CPA5: variants seen among roughly 807,000 people sequenced by gnomAD.
CPA5 encodes testicular tissue protein Li 32.
CPA5 carries 38 observed loss-of-function variants against 52.2 expected under a neutral mutation model. The observed-to-expected ratio is 0.73, with a 90% CI of 0.56 to 0.95. The LOEUF (loss-of-function observed/expected upper bound fraction) is 0.95. Among genes scored for constraint, CPA5 ranks in the 40% least tolerant of loss-of-function variants. The pLI is 0.00. For synonymous variants in CPA5, 198 were observed against 213.7 expected (o/e 0.93, Z 0.64); for missense variants, 519 against 566.7 (o/e 0.92, Z 0.86).
chr7:130,352,562 C>T (rs1183791421), intron 5 of CPA5, among the ~76,000 whole-genome samples: 3 of 152,262 alleles, frequency 2.0e-5, no homozygotes, highest in African/African-American at 7.2e-5. Context: ...TGAAGCCAGA[C>T]CCCATCACAA....
Position 130,368,575 on chromosome 7 carries a change from A to G in CPA5, c.1289A>G (p.His430Arg), listed in dbSNP as rs369019194. Residue 430 changes from histidine to arginine, a missense_variant, in exon 13 of 13, where the codon CAC (histidine) becomes CGC (arginine). Coordinates refer to ENST00000474905, the MANE Select transcript of CPA5 (RefSeq NM_080385.5). ...ATGGCGCTTCGGACCATCATGGAGC[A>G]CACCCTGAATCACCCCTACTAGCAG... ...TWMALRTIME[H>R]TLNHPY 2 of 1,614,036 alleles carry G rather than the reference A, an allele frequency of 1.2e-6. No individual in the cohort carries two copies. Among genetic ancestry groups the G allele is most frequent in the East Asian group, 2.2e-5 (1 of 44,866 alleles).
chr7:130,363,223 C>T (rs1215065647), intron 9 of CPA5, among the ~76,000 whole-genome samples, 196 bp from the exon 10 acceptor site: 1 of 152,228 alleles, frequency 6.6e-6, no homozygotes, highest in Admixed American at 6.5e-5. Flanking sequence ...TCCCTAGACC[C>T]TGACTTCAAC....
At chr7:130,352,119 C>A (rs1429871660) in intron 5 of CPA5, among the ~76,000 whole-genome samples, 2 of 152,082 alleles carry the variant, frequency 1.3e-5, no homozygotes, top group Non-Finnish European at 2.9e-5. Context: ...GTGGCTAGGA[C>A]CAGGCTGGAA....
At chr7:130,351,481 C>T (rs888397) in intron 5 of CPA5, among the ~76,000 whole-genome samples, 25,476 of 152,172 alleles carry the variant, frequency 0.17, 2,576 homozygotes, top group African/African-American at 0.28. Flanking sequence ...ATCCGCAGCC[C>T]CGAGTCCCTC....
intron 10 of CPA5, among the ~76,000 whole-genome samples, chr7:130,364,967 C>G (rs1554407814): frequency 6.6e-6 from 1 of 152,252 alleles, no homozygotes; most frequent in Non-Finnish European, 1.5e-5. Context: ...GACATGGCAT[C>G]TGCACTTCAC....
intron 11 of CPA5, 62 bp from the exon 12 acceptor site, chr7:130,367,843 TG>T: frequency 7.3e-7 from 1 of 1,369,522 alleles, no homozygotes; most frequent in Non-Finnish European, 1.0e-6. Context: ...CTGGTGAGGG[TG>T]GGGGAGTGTG....
chr7:130,345,398 C>T (rs1794675532), intron 1 of CPA5, 193 bp downstream of exon 1: 1 of 152,276 alleles, frequency 6.6e-6, no homozygotes, highest in Non-Finnish European at 1.5e-5. Flanking sequence ...GCCTTACCCC[C>T]ACCCCCTGTG....
At chr7:130,370,478 G>A (rs529006257), downstream of CPA5, among the ~76,000 whole-genome samples, 4 of 152,292 alleles carry the variant, frequency 2.6e-5, no homozygotes, top group Admixed American at 6.5e-5. Context: ...GCACAGTGGA[G>A]TCTGTGATTA....
At chr7:130,370,823 T>A (rs1796288727), downstream of CPA5, among the ~76,000 whole-genome samples, 1 of 152,248 alleles carries the variant, frequency 6.6e-6, no homozygotes, top group Non-Finnish European at 1.5e-5. Flanking sequence ...TCTGCATTTT[T>A]ACCAACTGCC....
intron 10 of CPA5, among the ~76,000 whole-genome samples, chr7:130,366,899 G>T (rs1796117554): frequency 6.6e-6 from 1 of 152,232 alleles, no homozygotes; most frequent in African/African-American, 2.4e-5. Context: ...AGCCGAGGGG[G>T]CTCCCTGCAG....
At chr7:130,353,763 C>G (rs1554404587) in intron 5 of CPA5, among the ~76,000 whole-genome samples, 1 of 152,204 alleles carries the variant, frequency 6.6e-6, no homozygotes, top group Non-Finnish European at 1.5e-5. Context: ...TGCTCTCCCC[C>G]ATTCTCCACC....
chr7:130,369,252 T>A (rs1796262791), downstream of CPA5, among the ~76,000 whole-genome samples: 1 of 151,898 alleles, frequency 6.6e-6, no homozygotes, highest in African/African-American at 2.4e-5. Flanking sequence ...AAGCACCGCA[T>A]ATCCAGGAAG....
rs111827298 is a variant in CPA5, at chr7:130,346,441, A to G, written c.-45A>G. On this transcript the variant is annotated 5_prime_UTR_variant, in exon 3 of 13. An upstream start codon of the reference 5' UTR is lost. Transcript: ENST00000474905. ...GCTGTGCTGTCCTGAGGCCTGGGCC[A>G]TGGTGCCCAAGGAAAGCCCCTGAAG... is the stretch of plus-strand genomic sequence containing the variant. 248 of 1,444,038 alleles carry G rather than the reference A, an allele frequency of 1.7e-4. No homozygotes were observed. In the African/African-American group the frequency reaches 2.9e-3, roughly 17 times the overall value. 89.5% of individuals were successfully genotyped at this position (1,444,038 alleles called of 1,614,324 possible).
chr7:130,361,819 G>A (rs1413900262), intron 7 of CPA5, among the ~76,000 whole-genome samples: 2 of 152,222 alleles, frequency 1.3e-5, no homozygotes, highest in African/African-American at 4.8e-5. Flanking sequence ...GGGCACCCGG[G>A]AGTGTGGACC....
intron 5 of CPA5, among the ~76,000 whole-genome samples, chr7:130,355,396 G>GGTGTGT (rs147556341): frequency 3.4e-5 from 5 of 149,180 alleles, no homozygotes; most frequent in African/African-American, 1.2e-4. Context: ...TGAGAACATT[G>GGTGTGT]GTGTGTGTGT....
chr7:130,347,735 G>C (rs1794857139), intron 3 of CPA5, 31 bp from the exon 4 acceptor site: 2 of 1,590,206 alleles, frequency 1.3e-6, no homozygotes, highest in Non-Finnish European at 1.7e-6. Context: ...CTTCTCCGCA[G>C]CTTCCTCCGC....
At position 130,364,344 on chromosome 7, in the gene CPA5, C is replaced by G. The variant is rs374771414; in HGVS notation, c.838+835C>G. Among the ~76,000 whole-genome samples the G allele has an allele frequency of 2.8e-4, 42 of 152,294 alleles. No individual in the cohort carries two copies. The East Asian group carries it at 6.4e-3, about 23-fold the overall frequency. On this transcript the variant is annotated intron_variant, in intron 10 of 12. Coordinates refer to ENST00000474905, the MANE Select transcript of CPA5 (RefSeq NM_080385.5). The stretch of plus-strand genomic sequence containing the variant: ...AGTAGCTGGGATTGCAGGTGCCCAC[C>G]ACCACGCTGGGCTAATTTTTGTATT...
At chr7:130,373,497 G>C (rs1231416348), downstream of CPA5, among the ~76,000 whole-genome samples, 1 of 152,228 alleles carries the variant, frequency 6.6e-6, no homozygotes, top group Non-Finnish European at 1.5e-5. Flanking sequence ...AACCAGGCAG[G>C]CAGTTTGGAA....
chr7:130,352,758 G>C (rs1187883690), intron 5 of CPA5, among the ~76,000 whole-genome samples: 1 of 152,112 alleles, frequency 6.6e-6, no homozygotes, highest in Non-Finnish European at 1.5e-5. Context: ...AATTGCAGTG[G>C]GCCAGGCAAG....
Sources: gnomAD v4.1 joint callset for allele counts (sites outside exome capture counted in the v4.1 genomes callset) on GRCh38, gnomAD v4.1.1 for gene constraint, MANE v1.5 for transcripts, NCBI Gene and HGNC (gene_info 2026-07-23, HGNC 2026-07-21) for gene names.